The following PPP1R37 variants were observed in gnomAD, a reference collection of about 807,000 sequenced individuals.
The protein encoded by PPP1R37 is protein phosphatase 1 regulatory subunit 37.
Under a neutral mutation model 61.0 loss-of-function variants are expected in PPP1R37, and 21 were observed. The ratio of observed to expected loss-of-function variants is 0.34; its 90% CI spans 0.24 to 0.50. The LOEUF (loss-of-function observed/expected upper bound fraction) is 0.50, where lower values mean the gene tolerates loss of function less well. Ranked by LOEUF, PPP1R37 falls within the 20% of genes least tolerant of loss-of-function variation. The pLI is 0.98. For synonymous variants in PPP1R37, 443 were observed against 433.5 expected, an observed-to-expected ratio of 1.02 and a Z score of -0.27; for missense variants, 910 against 952.7, an observed-to-expected ratio of 0.96 and a Z score of 0.59.
rs1048348005 is a variant in PPP1R37, at chr19:45,144,945, A to G, written c.1079A>G (p.Asn360Ser). The change falls in exon 9 of 13, where the codon AAC (asparagine) becomes AGC (serine). Residue 360 changes from asparagine to serine, a missense_variant. Coordinates refer to ENST00000221462, the MANE Select transcript of PPP1R37 (RefSeq NM_019121.2). ...VRHLKNGLIS[N>S]RSVLRLGLAS... The stretch of plus-strand genomic sequence containing the variant: ...CACCTCAAGAACGGGCTCATCAGCA[A>G]CCGCAGCGTGCTGCGCCTCGGGCTG... The G allele has an allele frequency of 1.3e-5, 20 of 1,535,526 alleles. No individual in the cohort carries two copies. The highest frequency in any genetic ancestry group is 1.7e-5 in the Non-Finnish European group (19 of 1,146,676).
chr19:45,117,385 C>G (rs550501819), intron 1 of PPP1R37, among the ~76,000 whole-genome samples: 1 of 152,136 alleles, frequency 6.6e-6, no homozygotes, highest in Admixed American at 6.5e-5. Context: ...GGGTGAGCCC[C>G]GGTGGAGTGC....
At chr19:45,134,786 G>A (rs1290583772) in intron 1 of PPP1R37, among the ~76,000 whole-genome samples, 3 of 152,092 alleles carry the variant, frequency 2.0e-5, no homozygotes, top group African/African-American at 7.2e-5. Flanking sequence ...TTGGGCGGAT[G>A]TGACCTCCTC....
At chr19:45,131,436 CAA>C (rs1968475848) in intron 1 of PPP1R37, among the ~76,000 whole-genome samples, 4 of 152,232 alleles carry the variant, frequency 2.6e-5, no homozygotes, top group Admixed American at 2.0e-4. Context: ...GGTTTCAGGT[CAA>C]GACAGTCCTG....
intron 1 of PPP1R37, among the ~76,000 whole-genome samples, chr19:45,107,764 C>G (rs1387022993): frequency 4.6e-5 from 7 of 152,140 alleles, no homozygotes; most frequent in Non-Finnish European, 8.8e-5. Flanking sequence ...TCTCTTCTCT[C>G]TGGCTAGATT....
intron 1 of PPP1R37, among the ~76,000 whole-genome samples, chr19:45,101,358 G>A (rs1599688460): frequency 1.3e-5 from 2 of 152,192 alleles, no homozygotes; most frequent in East Asian, 3.8e-4. Flanking sequence ...GAGGCTGGAG[G>A]AGGCAGGAGA....
chr19:45,093,359 C>G lies in PPP1R37; in HGVS notation c.34C>G (p.Pro12Ala), dbSNP rs1303105259. 4 of 1,506,698 alleles carry G rather than the reference C, an allele frequency of 2.7e-6. No individual in the cohort carries two copies. Among genetic ancestry groups the G allele is most frequent in the South Asian group, 1.2e-5 (1 of 81,674 alleles). 93.3% of individuals were successfully genotyped at this position (1,506,698 alleles called of 1,614,324 possible). A position where few individuals can be genotyped will look rare whatever the true frequency, so the allele number is the denominator to read the frequency against. ...CGCGCCGCAGGAGGCGCCGCCCGTGCCGGGCGCGGACGGCGACATTGAAGA... is the reference window on the plus strand; with the variant it reads ...CGCGCCGCAGGAGGCGCCGCCCGTGGCGGGCGCGGACGGCGACATTGAAGA... ...EIAPQEAPPV[P>A]GADGDIEEAP... is the part of the protein sequence containing the mutation. Residue 12 changes from proline to alanine, a missense_variant, in exon 1 of 13, where the codon CCG (proline) becomes GCG (alanine). Coordinates refer to ENST00000221462, the MANE Select transcript of PPP1R37 (RefSeq NM_019121.2).
chr19:45,101,265 A>G (rs550549751), intron 1 of PPP1R37, among the ~76,000 whole-genome samples: 1 of 152,206 alleles, frequency 6.6e-6, no homozygotes, highest in Non-Finnish European at 1.5e-5. Flanking sequence ...CCAGGGGTGG[A>G]AGGCAGAGAG....
chr19:45,129,341 C>T (rs990141587), intron 1 of PPP1R37, among the ~76,000 whole-genome samples: 2 of 152,186 alleles, frequency 1.3e-5, no homozygotes, highest in African/African-American at 4.8e-5. Context: ...CTCTGTTGCC[C>T]AAGCTGGAGT....
chr19:45,093,644 G>T (rs1257760115), intron 1 of PPP1R37, 117 bp downstream of exon 1: 1 of 696,288 alleles, frequency 1.4e-6, no homozygotes, highest in East Asian at 3.1e-5. Flanking sequence ...GGTGAATAAG[G>T]GGACAGTCGT....
chr19:45,111,827 G>GGAAA (rs1326031163), intron 1 of PPP1R37, among the ~76,000 whole-genome samples: 1 of 152,068 alleles, frequency 6.6e-6, no homozygotes, highest in African/African-American at 2.4e-5. Context: ...CAATAAAAAG[G>GGAAA]GAAAGGGTCA....
At chr19:45,099,650 T>G (rs1968037765) in intron 1 of PPP1R37, among the ~76,000 whole-genome samples, 1 of 152,256 alleles carries the variant, frequency 6.6e-6, no homozygotes, top group Non-Finnish European at 1.5e-5. Flanking sequence ...GTGCCTGTGA[T>G]TATCTGTGCT....
intron 1 of PPP1R37, among the ~76,000 whole-genome samples, chr19:45,135,722 C>T (rs1332217391): frequency 6.6e-6 from 1 of 151,096 alleles, no homozygotes; most frequent in Admixed American, 6.6e-5. Flanking sequence ...CAGCGCTGCT[C>T]TGTGTGTCTT....
rs1967950681 is a variant in PPP1R37 at position 45,093,522 on chromosome 19, G to A, written c.197G>A (p.Arg66Lys). Residue 66 changes from arginine (R) to lysine (K), a missense_variant, in exon 1 of 13, where the codon AGA becomes AAA. Physicochemically the swap from Arg to Lys is conservative, Grantham distance 26. Coordinates refer to ENST00000221462, the MANE Select transcript of PPP1R37 (RefSeq NM_019121.2). ...SGAVEPKDPW[R>K]HAQNVTVDEV... ...GCAGTGGAGCCCAAAGACCCCTGGAGACATGGTAGCTACCGCGGGTGAAGC... is the reference window on the plus strand; with the variant it reads ...GCAGTGGAGCCCAAAGACCCCTGGAAACATGGTAGCTACCGCGGGTGAAGC... 1 of 1,534,268 alleles carries A rather than the reference G, an allele frequency of 6.5e-7. No homozygotes were observed. Among genetic ancestry groups the A allele is most frequent in the Non-Finnish European group, 8.7e-7 (1 of 1,145,810 alleles).
chr19:45,142,355 C>G lies in PPP1R37; in HGVS notation c.771C>G (p.Asn257Lys), dbSNP rs1227826565. ...TGCGGGAGCTGTACCTGGCGGACAA[C>G]AAGCTCAACGGCCTGCAGGACTCGG... ...MNLRELYLAD[N>K]KLNGLQDSAQ... The change falls in exon 7 of 13, where the codon AAC (asparagine) becomes AAG (lysine). Residue 257 changes from asparagine (N) to lysine (K), a missense_variant. By Grantham distance (94) the Asn-to-Lys change is moderately conservative (BLOSUM62 0). Transcript: ENST00000221462. The G allele has an allele frequency of 6.5e-7, 1 of 1,535,954 alleles. No homozygotes were observed. Among genetic ancestry groups the G allele is most frequent in the Non-Finnish European group, 8.7e-7 (1 of 1,146,916 alleles).
At chr19:45,133,012 T>G (rs1968497462) in intron 1 of PPP1R37, among the ~76,000 whole-genome samples, 1 of 152,214 alleles carries the variant, frequency 6.6e-6, no homozygotes, top group African/African-American at 2.4e-5. Flanking sequence ...GTCACATTGC[T>G]TTGCTCAAGA....
chr19:45,139,609 A>G (rs1027649131), intron 2 of PPP1R37, among the ~76,000 whole-genome samples: 3 of 152,290 alleles, frequency 2.0e-5, no homozygotes, highest in Admixed American at 1.3e-4. Flanking sequence ...ATCAGTGTTC[A>G]CTGGAGTTAG....
At chr19:45,108,765 C>T (rs577136949) in intron 1 of PPP1R37, 1 of 151,896 alleles carries the variant, frequency 6.6e-6, no homozygotes, top group African/African-American at 2.4e-5. Flanking sequence ...CCACAGCCTC[C>T]CGAGTAGCTG....
intron 2 of PPP1R37, among the ~76,000 whole-genome samples, chr19:45,139,833 G>T (rs368370718): frequency 6.6e-6 from 1 of 152,230 alleles, no homozygotes; most frequent in Non-Finnish European, 1.5e-5. Context: ...CTGGGCCCCA[G>T]GCCCTGCCTT....
intron 5 of PPP1R37, 113 bp from the exon 6 acceptor site, chr19:45,141,948 G>A: frequency 8.5e-7 from 1 of 1,180,170 alleles, no homozygotes; most frequent in Non-Finnish European, 1.1e-6. Flanking sequence ...GTTGCTCATT[G>A]AGACATGGGG....
Sources: allele counts gnomAD v4.1 joint callset (sites outside exome capture counted in the v4.1 genomes callset), GRCh38; gene constraint gnomAD v4.1.1; transcripts MANE v1.5; gene names NCBI Gene and HGNC (gene_info 2026-07-23, HGNC 2026-07-21).